The following METTL15 variants were observed in gnomAD, a reference collection of about 807,000 sequenced individuals.
The protein encoded by METTL15 is 12S rRNA N(4)-cytidine methyltransferase METTL15.
A neutral mutation model predicts 38.3 loss-of-function variants in METTL15; 34 were observed. That is an observed-to-expected ratio of 0.89 (90% CI 0.68 to 1.18). METTL15 has a LOEUF of 1.18. Ranked by LOEUF, METTL15 falls within the 50% of genes most tolerant of loss-of-function variation. The probability of loss-of-function intolerance (pLI) is 0.00; values close to 1 mark genes in which losing one functional copy is unlikely to be tolerated. For synonymous variants in METTL15, 162 were observed against 170.9 expected (o/e 0.95, Z 0.41); for missense variants, 438 against 498.4 (o/e 0.88, Z 1.15).
intron 6 of METTL15, among the ~76,000 whole-genome samples, chr11:28,502,541 A>T (rs980843242): frequency 1.3e-5 from 2 of 152,248 alleles, no homozygotes; most frequent in African/African-American, 4.8e-5. Flanking sequence ...ATTTTCTCCT[A>T]CTATCCAAAA....
At chr11:28,214,812 T>A (rs1281264821) in intron 4 of METTL15, among the ~76,000 whole-genome samples, 1 of 152,146 alleles carries the variant, frequency 6.6e-6, no homozygotes, top group African/African-American at 2.4e-5. Flanking sequence ...CTCCAAATAC[T>A]TATAAAATTA....
intron 4 of METTL15, among the ~76,000 whole-genome samples, chr11:28,251,016 A>T (rs1252762478): frequency 1.3e-5 from 2 of 151,950 alleles, no homozygotes; most frequent in African/African-American, 4.8e-5. Flanking sequence ...ATTTTTCTTC[A>T]TCCTTTTAAA....
At chr11:28,185,140 A>G (rs1428495750) in intron 3 of METTL15, among the ~76,000 whole-genome samples, 1 of 151,566 alleles carries the variant, frequency 6.6e-6, no homozygotes, top group Admixed American at 6.6e-5. Context: ...TAAATTATAT[A>G]TAAACTCTGT....
intron 3 of METTL15, among the ~76,000 whole-genome samples, chr11:28,150,009 T>G (rs1164763522): frequency 2.0e-5 from 3 of 151,930 alleles, no homozygotes; most frequent in Non-Finnish European, 2.9e-5. Context: ...CAATGTCGCT[T>G]CTTTGAATTT....
chr11:28,385,008 CATTT>C (rs1564915007), intron 5 of METTL15, among the ~76,000 whole-genome samples: 3 of 152,002 alleles, frequency 2.0e-5, no homozygotes, highest in African/African-American at 7.2e-5. Context: ...GTTTCTTGTA[CATTT>C]ATTTAAGTTC....
At chr11:28,168,509 C>T (rs1454337106) in intron 3 of METTL15, among the ~76,000 whole-genome samples, 2 of 150,654 alleles carry the variant, frequency 1.3e-5, no homozygotes, top group Non-Finnish European at 2.9e-5. Flanking sequence ...GGTACATGTG[C>T]ACAACATGCA....
chr11:28,513,956 C>A (rs892071837), intron 6 of METTL15, among the ~76,000 whole-genome samples: 3 of 152,194 alleles, frequency 2.0e-5, no homozygotes, highest in Non-Finnish European at 4.4e-5. Flanking sequence ...TTGTTTATGG[C>A]CAGTTTTGGG....
intron 6 of METTL15, among the ~76,000 whole-genome samples, chr11:28,463,267 C>T (rs1289881398): frequency 1.3e-5 from 2 of 152,064 alleles, no homozygotes; most frequent in African/African-American, 4.8e-5. Flanking sequence ...GGTCAAGAGC[C>T]TCTCTTATTT....
chr11:28,395,223 G>T (rs907734128), intron 5 of METTL15, among the ~76,000 whole-genome samples: 6 of 152,020 alleles, frequency 3.9e-5, no homozygotes, highest in Non-Finnish European at 8.8e-5. Context: ...TTAGTGTTAG[G>T]TGCAGCATAA....
chr11:28,387,507 GC>G (rs1850453342), intron 5 of METTL15, among the ~76,000 whole-genome samples: 1 of 151,866 alleles, frequency 6.6e-6, no homozygotes, highest in African/African-American at 2.4e-5. Flanking sequence ...AAAATAAAAA[GC>G]CTGAACAGAC....
chr11:28,286,865 C>G (rs1409165841), intron 4 of METTL15, among the ~76,000 whole-genome samples: 1 of 151,470 alleles, frequency 6.6e-6, no homozygotes, highest in Non-Finnish European at 1.5e-5. Flanking sequence ...GAAACAGAAC[C>G]AGTAGTATGT....
chr11:28,430,594 A>G (rs1236932454), intron 6 of METTL15, among the ~76,000 whole-genome samples: 4 of 27,172 alleles, frequency 1.5e-4, no homozygotes, highest in Non-Finnish European at 3.0e-4. Flanking sequence ...TCCGGGAGGG[A>G]GGTGGGGGGG....
intron 6 of METTL15, among the ~76,000 whole-genome samples, chr11:28,316,727 G>C (rs11030277): frequency 0.028 from 4,257 of 152,280 alleles, 105 homozygotes; most frequent in Middle Eastern, 0.048. Flanking sequence ...AATTATGGGG[G>C]TGGGTCTTTC....
intron 6 of METTL15, among the ~76,000 whole-genome samples, chr11:28,314,850 T>C (rs1005186048): frequency 2.2e-4 from 33 of 152,152 alleles, no homozygotes; most frequent in African/African-American, 7.7e-4. Flanking sequence ...TCTGATGGTT[T>C]TAAAAAACGG....
chr11:28,227,462 A>T (rs959529), intron 4 of METTL15, among the ~76,000 whole-genome samples: 151,895 of 151,904 alleles, frequency 1, 75,943 homozygotes, highest in Middle Eastern at 1. Context: ...GATCAATGAT[A>T]GTTAGCTGGG....
At position 28,141,189 on chromosome 11, in the gene METTL15, T is replaced by C. The variant is rs563824966; in HGVS notation, c.270+27585T>C. ...TGGGCAGAGCACTAGGGAATAGGTATTGCTGATTGACTGGGCATGAAATCA... is the reference window on the plus strand; with the variant it reads ...TGGGCAGAGCACTAGGGAATAGGTACTGCTGATTGACTGGGCATGAAATCA... On this transcript the variant is annotated intron_variant, in intron 3 of 6. Transcript: ENST00000407364. Among the ~76,000 whole-genome samples the C allele has an allele frequency of 2.6e-5, 4 of 152,224 alleles. No individual in the cohort carries two copies. In the South Asian group the frequency reaches 6.2e-4, roughly 24 times the overall value.
intron 5 of METTL15, among the ~76,000 whole-genome samples, chr11:28,407,950 A>T (rs1165016777): frequency 1.3e-5 from 2 of 152,208 alleles, no homozygotes; most frequent in Non-Finnish European, 2.9e-5. Flanking sequence ...TGGGGCACAT[A>T]TACACCATGG....
intron 6 of METTL15, among the ~76,000 whole-genome samples, chr11:28,435,628 C>G (rs186868505): frequency 6.6e-6 from 1 of 152,312 alleles, no homozygotes; most frequent in Admixed American, 6.5e-5. Context: ...GTGTGAGACA[C>G]CTCTATAGAG....
At chr11:28,527,725 C>T (rs1465895894), downstream of METTL15, among the ~76,000 whole-genome samples, 1 of 152,142 alleles carries the variant, frequency 6.6e-6, no homozygotes, top group East Asian at 1.9e-4. Context: ...GAACGAAGAT[C>T]TGACAAAAGA....
Sources: gnomAD v4.1 joint callset for allele counts (sites outside exome capture counted in the v4.1 genomes callset) on GRCh38, gnomAD v4.1.1 for gene constraint, MANE v1.5 for transcripts, NCBI Gene and HGNC (gene_info 2026-07-23, HGNC 2026-07-21) for gene names.